ABLIM3: variants seen among roughly 807,000 people sequenced by gnomAD.
The protein encoded by ABLIM3 is actin-binding LIM protein 3.
A neutral mutation model predicts 109.5 loss-of-function variants in ABLIM3; 61 were observed. That is an observed-to-expected ratio of 0.56 (90% CI 0.45 to 0.69). ABLIM3 has a LOEUF of 0.69. Ranked by LOEUF, ABLIM3 falls within the 30% of genes least tolerant of loss-of-function variation. ABLIM3 has a pLI of 0.00. For missense variants in ABLIM3, 796 were observed against 889.5 expected (o/e 0.89, Z 1.34); for synonymous variants, 300 against 324.8 (o/e 0.92, Z 0.82).
At chr5:149,226,598 A>T (rs1226525120) in intron 8 of ABLIM3, among the ~76,000 whole-genome samples, 1 of 152,178 alleles carries the variant, frequency 6.6e-6, no homozygotes, top group African/African-American at 2.4e-5. Context: ...GGAGTCAGAA[A>T]GTAGGGAGGG....
At chr5:149,191,412 A>C (rs971735991) in intron 3 of ABLIM3, among the ~76,000 whole-genome samples, 13 of 152,232 alleles carry the variant, frequency 8.5e-5, no homozygotes, top group Non-Finnish European at 8.8e-5. Flanking sequence ...TAATCATCCA[A>C]GATATTGAAT....
chr5:149,190,234 A>G (rs1192325933), intron 3 of ABLIM3, among the ~76,000 whole-genome samples: 1 of 152,202 alleles, frequency 6.6e-6, no homozygotes, highest in Admixed American at 6.5e-5. Flanking sequence ...AGTGATTTGT[A>G]ATGGGTTTGT....
Position 149,251,352 on chromosome 5 carries a change from T to C in ABLIM3, c.1789-7T>C. On this transcript the variant is annotated splice_polypyrimidine_tract_variant and splice_region_variant and intron_variant, in intron 20 of 23. Coordinates refer to ENST00000309868, the MANE Select transcript of ABLIM3 (RefSeq NM_014945.5). Reference sequence around the variant, plus strand: ...TCAGGCCAGCCGTGGTTCTGTCTCTTCTGCAGACACCCAGCGCAGACCTCT... The same window carrying C: ...TCAGGCCAGCCGTGGTTCTGTCTCTCCTGCAGACACCCAGCGCAGACCTCT... The C allele has an allele frequency of 6.2e-7, 1 of 1,614,096 alleles. No individual in the cohort carries two copies. Among genetic ancestry groups the C allele is most frequent in the Non-Finnish European group, 8.5e-7 (1 of 1,179,992 alleles).
chr5:149,222,057 A>G (rs1760704286), intron 8 of ABLIM3, among the ~76,000 whole-genome samples: 1 of 151,986 alleles, frequency 6.6e-6, no homozygotes, highest in Non-Finnish European at 1.5e-5. Context: ...TCACTCTGCT[A>G]AAGAAAAGTA....
intron 7 of ABLIM3, among the ~76,000 whole-genome samples, chr5:149,215,591 A>G (rs1241869229): frequency 2.0e-5 from 3 of 152,170 alleles, no homozygotes; most frequent in African/African-American, 7.2e-5. Flanking sequence ...TAATTTTTGA[A>G]TTGGAAGGAA....
intron 11 of ABLIM3, among the ~76,000 whole-genome samples, chr5:149,238,926 C>A (rs1240645736): frequency 6.6e-6 from 1 of 152,222 alleles, no homozygotes; most frequent in Non-Finnish European, 1.5e-5. Flanking sequence ...GTGACAATAG[C>A]CCTGAGCATG....
At chr5:149,179,813 C>T (rs1275086626) in intron 2 of ABLIM3, among the ~76,000 whole-genome samples, 1 of 152,016 alleles carries the variant, frequency 6.6e-6, no homozygotes, top group Non-Finnish European at 1.5e-5. Flanking sequence ...AAATTAAGTT[C>T]CTCAGTCACA....
intron 2 of ABLIM3, among the ~76,000 whole-genome samples, chr5:149,160,424 CTCTAG>C (rs113398632): frequency 0.68 from 102,137 of 150,094 alleles, 35,046 homozygotes; most frequent in Admixed American, 0.75. Context: ...CACATCTGCA[CTCTAG>C]TCTGGGCGAC....
intron 8 of ABLIM3, 181 bp downstream of exon 8, chr5:149,217,227 C>G (rs754555204): frequency 3.2e-6 from 2 of 633,126 alleles, no homozygotes; most frequent in Admixed American, 4.8e-5. Context: ...GCCGGTGTGG[C>G]TAATATGAAG....
intron 3 of ABLIM3, among the ~76,000 whole-genome samples, chr5:149,193,851 AATAAATG>A (rs1757721247): frequency 1.3e-5 from 2 of 152,228 alleles, no homozygotes; most frequent in Non-Finnish European, 2.9e-5. Flanking sequence ...TAGACTGCTT[AATAAATG>A]ATGCTGAGAT....
intron 23 of ABLIM3, among the ~76,000 whole-genome samples, chr5:149,253,722 C>T (rs1384358151): frequency 6.6e-6 from 1 of 152,138 alleles, no homozygotes; most frequent in African/African-American, 2.4e-5. Context: ...GGCATTTGAG[C>T]AGTCCAGACC....
intron 22 of ABLIM3, 187 bp from the exon 23 acceptor site, chr5:149,252,570 C>A: frequency 1.7e-6 from 1 of 593,706 alleles, no homozygotes; most frequent in Non-Finnish European, 3.0e-6. Context: ...TCTCTTGGGC[C>A]TTGTCTTTTG....
chr5:149,258,407 A>G lies in ABLIM3; in HGVS notation c.*3A>G. The G allele has an allele frequency of 6.2e-7, 1 of 1,613,116 alleles. No individual in the cohort carries two copies. On this transcript the variant is annotated 3_prime_UTR_variant, in exon 24 of 24. Coordinates refer to ENST00000309868, the MANE Select transcript of ABLIM3 (RefSeq NM_014945.5). Reference sequence around the variant, plus strand: ...AGAAGCAAGCCCGGCTGTTCTAGGCAGAGGCTCTATAAATATATATGCATT... The same window carrying G: ...AGAAGCAAGCCCGGCTGTTCTAGGCGGAGGCTCTATAAATATATATGCATT...
intron 3 of ABLIM3, among the ~76,000 whole-genome samples, chr5:149,194,979 A>G (rs1757819105): frequency 1.3e-5 from 2 of 152,180 alleles, no homozygotes; most frequent in Non-Finnish European, 2.9e-5. Context: ...ATATTTCACA[A>G]TGAAATGTTC....
chr5:149,193,363 G>A (rs1459079843), intron 3 of ABLIM3, among the ~76,000 whole-genome samples: 6 of 151,680 alleles, frequency 4.0e-5, no homozygotes, highest in Non-Finnish European at 5.9e-5. Context: ...CCATTTACCT[G>A]AACAAGAAAA....
chr5:149,158,081 C>A (rs144306634), intron 2 of ABLIM3, among the ~76,000 whole-genome samples: 1 of 152,334 alleles, frequency 6.6e-6, no homozygotes, highest in East Asian at 1.9e-4. Flanking sequence ...TTATTCCCTC[C>A]TCTGAAGTCC....
chr5:149,200,544 C>A, intron 5 of ABLIM3, 116 bp downstream of exon 5: 2 of 973,120 alleles, frequency 2.1e-6, no homozygotes, highest in East Asian at 2.6e-5. Context: ...AGGTTCCCAA[C>A]CTGGAGGCCT....
At chr5:149,187,024 A>G (rs577010946) in intron 3 of ABLIM3, among the ~76,000 whole-genome samples, 1 of 152,296 alleles carries the variant, frequency 6.6e-6, no homozygotes, top group East Asian at 1.9e-4. Flanking sequence ...CATCCAAAAA[A>G]AGTTATACAG....
Position 149,251,411 on chromosome 5 carries a change from G to A in ABLIM3, c.1841G>A (p.Gly614Asp). 1 of 1,614,116 alleles carries A rather than the reference G, an allele frequency of 6.2e-7. No homozygotes were observed. Among genetic ancestry groups the A allele is most frequent in the Non-Finnish European group, 8.5e-7 (1 of 1,180,016 alleles). ...HYDSMNAVNW[G>D]MREYKIYPYE... is the part of the protein sequence containing the mutation. ...GACAGCATGAACGCAGTCAACTGGG[G>A]CATGCGAGGTGAGTGCAGGCCTGCA... Residue 614 changes from glycine (G) to aspartate (D), a missense_variant, in exon 21 of 24, where the codon GGC becomes GAC. Physicochemically the swap from Gly to Asp is moderately conservative, Grantham distance 94. Transcript: ENST00000309868.
Sources: gnomAD v4.1 joint callset for allele counts (sites outside exome capture counted in the v4.1 genomes callset) on GRCh38, gnomAD v4.1.1 for gene constraint, MANE v1.5 for transcripts, NCBI Gene and HGNC (gene_info 2026-07-23, HGNC 2026-07-21) for gene names.